Variants in PPP1R12B observed in about 807,000 individuals in gnomAD.
PPP1R12B encodes protein phosphatase 1 regulatory subunit 12B.
PPP1R12B carries 76 observed loss-of-function variants against 126.1 expected under a neutral mutation model. The observed-to-expected ratio is 0.60, with a 90% confidence interval of 0.50 to 0.73. The LOEUF (loss-of-function observed/expected upper bound fraction) is 0.73, where lower values mean the gene tolerates loss of function less well. Ranked by LOEUF, PPP1R12B falls within the 30% of genes least tolerant of loss-of-function variation. The probability of loss-of-function intolerance (pLI) is 0.00; values close to 1 mark genes in which losing one functional copy is unlikely to be tolerated. For missense variants in PPP1R12B, 1,052 were observed against 1,205.1 expected (o/e 0.87, Z 1.88); for synonymous variants, 356 against 434.7 (o/e 0.82, Z 2.25).
rs1689973951 is a variant in PPP1R12B, at chr1:202,588,821, CGTAAGATA to C, written c.*8263_*8270del. The C allele has an allele frequency of 1.1e-5, 1 of 90,108 alleles. No homozygotes were observed. Among genetic ancestry groups the C allele is most frequent in the African/African-American group, 4.0e-5 (1 of 25,142 alleles). 5.6% of individuals were successfully genotyped at this position (90,108 alleles called of 1,614,324 possible). A position where few individuals can be genotyped will look rare whatever the true frequency, so the allele number is the denominator to read the frequency against. Reference sequence around the variant, plus strand: ...AGCCTAGATTGGCGTTCAAAAGAACCGTAAGATAGATAGATAGATAGATAGATAGATAG... The same window carrying C: ...AGCCTAGATTGGCGTTCAAAAGAACCGATAGATAGATAGATAGATAGATAG... On this transcript the variant is annotated 3_prime_UTR_variant, in exon 24 of 24. Transcript: ENST00000608999.
chr1:202,420,894 C>A (rs1344231121), intron 2 of PPP1R12B, among the ~76,000 whole-genome samples: 1 of 150,986 alleles, frequency 6.6e-6, no homozygotes, highest in East Asian at 1.9e-4. Flanking sequence ...CCCTATTATA[C>A]CAGGTACTAG....
intron 23 of PPP1R12B, chr1:202,576,484 A>G (rs1336199620): frequency 6.6e-6 from 1 of 152,214 alleles, no homozygotes; most frequent in Non-Finnish European, 1.5e-5. Flanking sequence ...GGCTGAGCTA[A>G]TATCCTGCTG....
At chr1:202,532,660 A>G (rs7535405) in intron 18 of PPP1R12B, among the ~76,000 whole-genome samples, 6,519 of 152,128 alleles carry the variant, frequency 0.043, 381 homozygotes, top group African/African-American at 0.13. Context: ...TTTGGTGAAC[A>G]TATAATCTTA....
intron 1 of PPP1R12B, among the ~76,000 whole-genome samples, chr1:202,364,873 G>A (rs1658908981): frequency 6.6e-6 from 1 of 152,120 alleles, no homozygotes; most frequent in Non-Finnish European, 1.5e-5. Flanking sequence ...ACGGCGCCCG[G>A]CCTCATTTTA....
chr1:202,560,553 A>G (rs1346019110), intron 19 of PPP1R12B, among the ~76,000 whole-genome samples: 1 of 152,114 alleles, frequency 6.6e-6, no homozygotes, highest in Non-Finnish European at 1.5e-5. Context: ...AGTGAGGATG[A>G]CCAGAGGACA....
At chr1:202,422,797 A>G in intron 3 of PPP1R12B, 59 bp downstream of exon 3, 2 of 1,608,534 alleles carry the variant, frequency 1.2e-6, no homozygotes, top group Non-Finnish European at 1.7e-6. Flanking sequence ...ATTTACAGAA[A>G]ATAATCCATT....
rs1234178291 is a variant in PPP1R12B, at chr1:202,437,960, G to A, written c.1394G>A (p.Gly465Asp). ...ANSREPIRDR[G>D]SSIYRSSSSP... The stretch of plus-strand genomic sequence containing the variant: ...TCCAGGGAACCTATAAGGGACCGAG[G>A]CTCTTCCATCTATCGCTCCTCTTCA... The change falls in exon 10 of 24, where the codon GGC (glycine) becomes GAC (aspartate). Residue 465 changes from glycine (G) to aspartate (D), a missense_variant. Physicochemically the swap from Gly to Asp is moderately conservative, Grantham distance 94 (BLOSUM62 -1). Transcript: ENST00000608999. 6 of 1,614,000 alleles carry A rather than the reference G, an allele frequency of 3.7e-6. No individual in the cohort carries two copies. In the South Asian group the frequency reaches 5.5e-5, roughly 15 times the overall value.
intron 18 of PPP1R12B, among the ~76,000 whole-genome samples, chr1:202,546,795 A>T (rs894592953): frequency 6.6e-6 from 1 of 152,186 alleles, no homozygotes; most frequent in Non-Finnish European, 1.5e-5. Context: ...ACTGATATTT[A>T]TGATTGAAGC....
intron 2 of PPP1R12B, among the ~76,000 whole-genome samples, chr1:202,418,581 G>C (rs1668381358): frequency 6.6e-6 from 1 of 151,810 alleles, no homozygotes; most frequent in Non-Finnish European, 1.5e-5. Flanking sequence ...ATATTACCTT[G>C]AATGAAATAA....
rs911543391 is a variant in PPP1R12B at position 202,449,079 on chromosome 1, C to T, written c.1758C>T (p.Arg586=). 1 of 1,613,762 alleles carries T rather than the reference C, an allele frequency of 6.2e-7. No homozygotes were observed. The highest frequency in any genetic ancestry group is 8.5e-7 in the Non-Finnish European group (1 of 1,179,862). Residue 586 remains arginine, a synonymous_variant, in exon 13 of 24, where the codon CGC becomes CGT. Transcript: ENST00000608999. ...CCCCGCTCTGTGTGATCACCAATCG[C>T]CCTCTTCCTAGCACTGCCAATGGGG... ...SSTPLCVITN[R]PLPSTANGVT... is the part of the protein sequence containing the mutation.
chr1:202,464,415 A>G (rs1267730946), intron 13 of PPP1R12B, among the ~76,000 whole-genome samples: 1 of 152,202 alleles, frequency 6.6e-6, no homozygotes, highest in Non-Finnish European at 1.5e-5. Context: ...TGAAGCTAGC[A>G]AAGACCGTTT....
In PPP1R12B at chr1:202,584,668, G is replaced by A. The variant is rs1263790452; in HGVS notation, c.*4108G>A. 1.3e-5 allele frequency: 2 copies of A among 152,258 alleles called. No individual in the cohort carries two copies. The highest frequency in any genetic ancestry group is 2.9e-5 in the Non-Finnish European group (2 of 68,052). 9.4% of individuals were successfully genotyped at this position (152,258 alleles called of 1,614,324 possible). A position where few individuals can be genotyped will look rare whatever the true frequency, so the allele number is the denominator to read the frequency against. On this transcript the variant is annotated 3_prime_UTR_variant, in exon 24 of 24. Coordinates refer to ENST00000608999, the MANE Select transcript of PPP1R12B (RefSeq NM_002481.4). ...CACCCTTGAGGTGGGCATGGAGTGA[G>A]CAGAAGAAGCCTGGAGAAGAGAGAA...
intron 18 of PPP1R12B, chr1:202,501,964 A>G (rs1680269398): frequency 2.0e-6 from 2 of 985,716 alleles, no homozygotes; most frequent in South Asian, 9.4e-5. Context: ...ATCAAGATTC[A>G]GTGGGTAGAG....
intron 13 of PPP1R12B, among the ~76,000 whole-genome samples, chr1:202,470,076 A>G (rs1385253005): frequency 2.6e-5 from 4 of 152,228 alleles, no homozygotes; most frequent in Admixed American, 1.3e-4. Context: ...CAGGAGCTGG[A>G]GACCGATTTC....
intron 2 of PPP1R12B, chr1:202,417,141 T>G: frequency 2.4e-6 from 2 of 822,122 alleles, no homozygotes; most frequent in African/African-American, 3.7e-5. Context: ...TTGCTTCTAT[T>G]TTCAGGTAAT....
rs1242265575 is a variant in PPP1R12B at position 202,567,936 on chromosome 1, G to A, written c.2811+105G>A. The A allele has an allele frequency of 2.9e-6, 4 of 1,356,554 alleles. No homozygotes were observed. In the African/African-American group the frequency reaches 5.8e-5, roughly 20 times the overall value. 84.0% of individuals were successfully genotyped at this position (1,356,554 alleles called of 1,614,324 possible). On this transcript the variant is annotated intron_variant, in intron 22 of 23. Coordinates refer to ENST00000608999, the MANE Select transcript of PPP1R12B (RefSeq NM_002481.4). ...TGGAAAAAGTCCATCTTAAGAAGGA[G>A]GGAGTTCTGCCACATTCCATTCCCA...
intron 23 of PPP1R12B, among the ~76,000 whole-genome samples, chr1:202,578,326 T>C (rs1689276758): frequency 6.6e-6 from 1 of 152,246 alleles, no homozygotes; most frequent in Non-Finnish European, 1.5e-5. Flanking sequence ...AGCTTCTTCC[T>C]ACCTATTATG....
Position 202,580,605 on chromosome 1 carries a change from G to T in PPP1R12B, c.*45G>T, listed in dbSNP as rs1329264480. Reference sequence around the variant, plus strand: ...AGGAAAGAAAGGGACAGCATTTGCTGCCCCCACCCCTCTTTTCCAGTCCTT... The same window carrying T: ...AGGAAAGAAAGGGACAGCATTTGCTTCCCCCACCCCTCTTTTCCAGTCCTT... On this transcript the variant is annotated 3_prime_UTR_variant, in exon 24 of 24. Coordinates refer to ENST00000608999, the MANE Select transcript of PPP1R12B (RefSeq NM_002481.4). 3.4e-6 allele frequency: 5 copies of T among 1,489,300 alleles called. No individual in the cohort carries two copies. Among genetic ancestry groups the T allele is most frequent in the Non-Finnish European group, 4.7e-6 (5 of 1,066,616 alleles). 92.3% of individuals were successfully genotyped at this position (1,489,300 alleles called of 1,614,324 possible).
chr1:202,416,736 G>A (rs771678576), intron 1 of PPP1R12B, 51 bp from the exon 2 acceptor site: 1 of 1,562,148 alleles, frequency 6.4e-7, no homozygotes, highest in East Asian at 2.2e-5. Flanking sequence ...CTGGCACATA[G>A]TGGAACTCAA....
Sources: gnomAD v4.1 joint callset for allele counts (sites outside exome capture counted in the v4.1 genomes callset) on GRCh38, gnomAD v4.1.1 for gene constraint, MANE v1.5 for transcripts, NCBI Gene and HGNC (gene_info 2026-07-23, HGNC 2026-07-21) for gene names.